The following CAMK4 variants were observed in gnomAD, a reference collection of about 807,000 sequenced individuals.
The protein encoded by CAMK4 is calcium/calmodulin dependent protein kinase IV.
In CAMK4, 22 loss-of-function variants were observed where a neutral mutation model predicts 44.9. The ratio of observed to expected loss-of-function variants is 0.49; its 90% confidence interval spans 0.35 to 0.70. CAMK4 has a LOEUF of 0.70. Ranked by LOEUF, CAMK4 falls within the 30% of genes least tolerant of loss-of-function variation. The probability of loss-of-function intolerance (pLI) is 0.01; values close to 1 mark genes in which losing one functional copy is unlikely to be tolerated. For synonymous variants in CAMK4, 218 were observed against 215.4 expected (o/e 1.01, Z -0.11); for missense variants, 498 against 586.8 (o/e 0.85, Z 1.56).
At chr5:111,343,144 A>T (rs530262790) in intron 1 of CAMK4, among the ~76,000 whole-genome samples, 1 of 151,864 alleles carries the variant, frequency 6.6e-6, no homozygotes, top group African/African-American at 2.4e-5. Flanking sequence ...CATTTACAAC[A>T]CACCAGTCTT....
intron 1 of CAMK4, among the ~76,000 whole-genome samples, chr5:111,324,439 G>A (rs1159863561): frequency 6.6e-6 from 1 of 151,908 alleles, no homozygotes; most frequent in Non-Finnish European, 1.5e-5. Context: ...TTAGTATGAT[G>A]GAAAACAAAC....
Position 111,366,009 on chromosome 5 carries a change from C to T in CAMK4, c.241-8841C>T, listed in dbSNP as rs545097947. Among the ~76,000 whole-genome samples, 11 of 152,198 alleles carry T rather than the reference C, an allele frequency of 7.2e-5. No individual in the cohort carries two copies. The East Asian group carries it at 1.4e-3, about 19-fold the overall frequency. ...TTTTCACCAAGCATGTTAGTGCCAA[C>T]ATATACTTGTTGAATGTCAAAAAAT... On this transcript the variant is annotated intron_variant, in intron 2 of 10. Transcript: ENST00000282356.
chr5:111,354,943 T>G (rs1750272301), intron 2 of CAMK4, among the ~76,000 whole-genome samples: 1 of 152,118 alleles, frequency 6.6e-6, no homozygotes, highest in Admixed American at 6.6e-5. Context: ...ATGCATTTTC[T>G]AATTGCTATG....
Position 111,490,927 on chromosome 5 carries a change from T to C in CAMK4, c.*6461T>C, listed in dbSNP as rs952232035. ...ATTTTTCAATGTCTTGTGAGTTTAG[T>C]GAGTGGGTACAGCTGAGTTGGGGTT... is the stretch of plus-strand genomic sequence containing the variant. On this transcript the variant is annotated 3_prime_UTR_variant, in exon 11 of 11. Coordinates refer to ENST00000282356, the MANE Select transcript of CAMK4 (RefSeq NM_001744.6). 1 of 152,206 alleles carries C rather than the reference T, an allele frequency of 6.6e-6. No individual in the cohort carries two copies. The highest frequency in any genetic ancestry group is 2.4e-5 in the African/African-American group (1 of 41,440). The allele number at this position is 152,206 out of a possible 1,614,324, so 9.4% of individuals were successfully genotyped here.
In CAMK4 at chr5:111,484,288, A is replaced by C. The variant is rs752777797; in HGVS notation, c.1244A>C (p.Lys415Thr). 14 of 1,613,962 alleles carry C rather than the reference A, an allele frequency of 8.7e-6. No homozygotes were observed. In the East Asian group the frequency reaches 2.4e-4, roughly 28 times the overall value. Residue 415 changes from lysine to threonine, a missense_variant, in exon 11 of 11, where the codon AAA (lysine) becomes ACA (threonine). Lys to Thr is a moderately conservative substitution (Grantham distance 78). Coordinates refer to ENST00000282356, the MANE Select transcript of CAMK4 (RefSeq NM_001744.6). The surrounding 1 kb of genome is among the most constrained non-coding windows in gnomAD (Gnocchi z 5.3). ...GATATAAATGCTGAAGAGGCCCCCA[A>C]AATGGTGCCCAAGGCAGTGGAGGAT... ...GADINAEEAP[K>T]MVPKAVEDGI... is the part of the protein sequence containing the mutation.
Position 111,487,528 on chromosome 5 carries a change from A to G in CAMK4, c.*3062A>G, listed in dbSNP as rs375735735. On this transcript the variant is annotated 3_prime_UTR_variant, in exon 11 of 11. Coordinates refer to ENST00000282356, the MANE Select transcript of CAMK4 (RefSeq NM_001744.6). ...ATAATGCAAGCACATGTCATTTAAG[A>G]TTTTCTATTAGTCACATTTTAAGAA... 18 of 152,246 alleles carry G rather than the reference A, an allele frequency of 1.2e-4. No homozygotes were observed. Among genetic ancestry groups the G allele is most frequent in the East Asian group, 5.8e-4 (3 of 5,190 alleles). The allele number at this position is 152,246 out of a possible 1,614,324, so 9.4% of individuals were successfully genotyped here.
At chr5:111,453,490 G>A (rs1430888222) in intron 7 of CAMK4, among the ~76,000 whole-genome samples, 1 of 152,082 alleles carries the variant, frequency 6.6e-6, no homozygotes, top group Non-Finnish European at 1.5e-5. Flanking sequence ...TAAGTTGGTG[G>A]GGAGGAAACT....
chr5:111,446,900 A>G (rs41296557), intron 6 of CAMK4, 124 bp downstream of exon 6: 23,072 of 714,996 alleles, frequency 0.032, 503 homozygotes, highest in Non-Finnish European at 0.038. Context: ...AATAATTGAC[A>G]TCTGTAAAGG....
At chr5:111,340,852 G>T (rs1749611674) in intron 1 of CAMK4, among the ~76,000 whole-genome samples, 1 of 149,928 alleles carries the variant, frequency 6.7e-6, no homozygotes, top group South Asian at 2.1e-4. Flanking sequence ...TTTTCTTTTT[G>T]TTTTTTGATG....
intron 1 of CAMK4, among the ~76,000 whole-genome samples, chr5:111,331,543 T>C (rs1292124127): frequency 6.6e-6 from 1 of 151,730 alleles, no homozygotes; most frequent in African/African-American, 2.4e-5. Flanking sequence ...AAGTTAAACA[T>C]TGAGGCTCGA....
At chr5:111,453,212 A>G (rs148494946) in intron 7 of CAMK4, among the ~76,000 whole-genome samples, 1 of 152,350 alleles carries the variant, frequency 6.6e-6, no homozygotes, top group Non-Finnish European at 1.5e-5. Context: ...GTGTGGTAAC[A>G]TAGGAAACAT....
At chr5:111,469,468 A>G (rs112876095) in intron 7 of CAMK4, among the ~76,000 whole-genome samples, 7 of 150,970 alleles carry the variant, frequency 4.6e-5, no homozygotes, top group African/African-American at 1.7e-4. Flanking sequence ...GTAAGGTTAC[A>G]CCCAGTGCTG....
At chr5:111,233,273 A>G (rs1340357671) in intron 1 of CAMK4, among the ~76,000 whole-genome samples, 1 of 152,196 alleles carries the variant, frequency 6.6e-6, no homozygotes, top group Non-Finnish European at 1.5e-5. Flanking sequence ...CACTTTGAAA[A>G]TGTCAACTTT....
intron 5 of CAMK4, among the ~76,000 whole-genome samples, chr5:111,405,116 T>C (rs1006402418): frequency 6.6e-6 from 1 of 152,214 alleles, no homozygotes; most frequent in Non-Finnish European, 1.5e-5. Context: ...TTGATGTATC[T>C]AGAGAGAAAC....
At chr5:111,366,775 T>G (rs1205411316) in intron 2 of CAMK4, among the ~76,000 whole-genome samples, 1 of 152,072 alleles carries the variant, frequency 6.6e-6, no homozygotes, top group Non-Finnish European at 1.5e-5. Flanking sequence ...AAAATTGGGA[T>G]TTCTTTCAGT....
At chr5:111,415,363 G>A (rs1349210617) in intron 5 of CAMK4, among the ~76,000 whole-genome samples, 1 of 152,134 alleles carries the variant, frequency 6.6e-6, no homozygotes. Context: ...CTTTTGCTCA[G>A]GGAACCCTTA....
rs528352323 is a variant in CAMK4 at position 111,483,020 on chromosome 5, G to A, written c.981+83G>A. On this transcript the variant is annotated intron_variant, in intron 10 of 10. Coordinates refer to ENST00000282356, the MANE Select transcript of CAMK4 (RefSeq NM_001744.6). Reference sequence around the variant, plus strand: ...TTGATCTATCAATAATAGTTCTACCGTTCTTCATCTAATACTATTATCTAT... The same window carrying A: ...TTGATCTATCAATAATAGTTCTACCATTCTTCATCTAATACTATTATCTAT... The A allele has an allele frequency of 1.8e-4, 213 of 1,153,500 alleles. 2 individuals carry two copies. In the South Asian group the frequency reaches 2.8e-3, roughly 15 times the overall value. The allele number at this position is 1,153,500 out of a possible 1,614,324, so 71.5% of individuals were successfully genotyped here. A position where few individuals can be genotyped will look rare whatever the true frequency, so the allele number is the denominator to read the frequency against.
chr5:111,356,643 CA>C (rs1750369511), intron 2 of CAMK4, among the ~76,000 whole-genome samples: 1 of 152,194 alleles, frequency 6.6e-6, no homozygotes, highest in Non-Finnish European at 1.5e-5. Context: ...TTAGGTCTAA[CA>C]TGTAAGTCTT....
intron 1 of CAMK4, among the ~76,000 whole-genome samples, chr5:111,251,396 AG>A (rs1749484841): frequency 6.6e-6 from 1 of 152,192 alleles, no homozygotes; most frequent in African/African-American, 2.4e-5. Flanking sequence ...ATGGGTGTCC[AG>A]GTTGGTCTTA....
Sources: gnomAD v4.1 joint callset for allele counts (sites outside exome capture counted in the v4.1 genomes callset) on GRCh38, gnomAD v4.1.1 for gene constraint, Gnocchi (gnomAD v3.1) non-coding constraint, MANE v1.5 for transcripts, NCBI Gene and HGNC (gene_info 2026-07-23, HGNC 2026-07-21) for gene names.